Variants in RALGDS observed in about 807,000 individuals in gnomAD.
RALGDS encodes the protein ral guanine nucleotide exchange factor.
A neutral mutation model predicts 99.8 loss-of-function variants in RALGDS; 44 were observed. The observed-to-expected ratio is 0.44, with a 90% CI of 0.35 to 0.57. The LOEUF is 0.57. Among genes scored for constraint, RALGDS ranks in the 20% least tolerant of loss-of-function variants. The pLI is 0.01. For synonymous variants in RALGDS, 529 were observed against 505.0 expected, an observed-to-expected ratio of 1.05 and a Z score of -0.64; for missense variants, 1,022 against 1,203.1, an observed-to-expected ratio of 0.85 and a Z score of 2.23.
At chr9:133,106,594 C>G (rs770758627) in intron 8 of RALGDS, 51 bp downstream of exon 8, 18 of 1,399,286 alleles carry the variant, frequency 1.3e-5, no homozygotes, top group Non-Finnish European at 1.8e-5. Flanking sequence ...GTGATGCCAG[C>G]CCTGTGGGAG....
At chr9:133,102,931 C>T (rs1431751420) in intron 12 of RALGDS, 31 bp from the exon 13 acceptor site, 13 of 1,611,196 alleles carry the variant, frequency 8.1e-6, no homozygotes, top group Admixed American at 1.7e-5. Flanking sequence ...AGGGCGGTGA[C>T]AAGGCCCCCC....
intron 1 of RALGDS, among the ~76,000 whole-genome samples, chr9:133,145,579 G>T (rs1832610498): frequency 6.6e-6 from 1 of 152,228 alleles, no homozygotes; most frequent in African/African-American, 2.4e-5. Context: ...TGTGAGGGGA[G>T]ACAAGGGGCA....
At position 133,110,456 on chromosome 9, in the gene RALGDS, T is replaced by A. The variant is rs773723770; in HGVS notation, c.328A>T (p.Thr110Ser). The A allele has an allele frequency of 6.2e-7, 1 of 1,613,082 alleles. No individual in the cohort carries two copies. The highest frequency in any genetic ancestry group is 1.3e-5 in the African/African-American group (1 of 74,870). The change falls in exon 3 of 18, where the codon ACT becomes TCT. Residue 110 changes from threonine (T) to serine (S), a missense_variant. By Grantham distance (58) the Thr-to-Ser change is moderately conservative. Coordinates refer to ENST00000372050, the MANE Select transcript of RALGDS (RefSeq NM_006266.4). ...GCCTTCACGGTCCGCACCTTGCAAGTCTCATAAAGGTTCAGGGCCGACTCA... is the reference window on the plus strand; with the variant it reads ...GCCTTCACGGTCCGCACCTTGCAAGACTCATAAAGGTTCAGGGCCGACTCA... ...ENESALNLYE[T>S]CKVRTVKAGT... is the part of the protein sequence containing the mutation.
chr9:133,122,942 G>T (rs1831999597), upstream of RALGDS, among the ~76,000 whole-genome samples: 1 of 152,142 alleles, frequency 6.6e-6, no homozygotes. Context: ...GACCTCAAGT[G>T]AACCGCTCGC....
intron 1 of RALGDS, among the ~76,000 whole-genome samples, chr9:133,140,885 C>T (rs1453936932): frequency 1.3e-5 from 2 of 152,170 alleles, no homozygotes; most frequent in African/African-American, 2.4e-5. Flanking sequence ...GGCAGCTCCC[C>T]GCCACTGTCT....
chr9:133,100,262 A>T lies in RALGDS; in HGVS notation c.2569+6T>A. On this transcript the variant is annotated splice_donor_region_variant and intron_variant, in intron 17 of 17. Coordinates refer to ENST00000372050, the MANE Select transcript of RALGDS (RefSeq NM_006266.4). ...TCTGCCATCGCCCTCTGGTCTTCTG[A>T]CTTACTCCGGTCATCTGAGAGAATC... is the stretch of plus-strand genomic sequence containing the variant. 6.2e-7 allele frequency: 1 copy of T among 1,613,578 alleles called. No individual in the cohort carries two copies. The highest frequency in any genetic ancestry group is 8.5e-7 in the Non-Finnish European group (1 of 1,179,556).
At chr9:133,107,871 C>T in intron 6 of RALGDS, 117 bp downstream of exon 6, 1 of 1,329,840 alleles carries the variant, frequency 7.5e-7, no homozygotes, top group Non-Finnish European at 1.1e-6. Context: ...TGGTGTGTAG[C>T]AGCAGAGCTG....
At chr9:133,127,824 C>A (rs961557974) in intron 1 of RALGDS, among the ~76,000 whole-genome samples, 1 of 152,238 alleles carries the variant, frequency 6.6e-6, no homozygotes, top group African/African-American at 2.4e-5. Flanking sequence ...CTCCAGGAGA[C>A]CACACTGGGT....
intron 1 of RALGDS, chr9:133,129,195 C>A (rs762902288): frequency 6.3e-7 from 1 of 1,596,948 alleles, no homozygotes; most frequent in East Asian, 2.2e-5. Flanking sequence ...CTTTGGAGAG[C>A]GGCACGACGG....
chr9:133,126,680 G>A (rs778790657), intron 1 of RALGDS, among the ~76,000 whole-genome samples: 5 of 152,188 alleles, frequency 3.3e-5, no homozygotes, highest in African/African-American at 4.8e-5. Flanking sequence ...GTGACAACCC[G>A]AAGTGGAGGG....
chr9:133,110,675 C>T (rs1390151597), intron 2 of RALGDS, among the ~76,000 whole-genome samples, 186 bp from the exon 3 acceptor site: 3 of 151,936 alleles, frequency 2.0e-5, no homozygotes, highest in East Asian at 1.9e-4. Context: ...TCAGTCATCC[C>T]GGCACTTTGG....
chr9:133,104,861 C>T (rs573678418), intron 9 of RALGDS, among the ~76,000 whole-genome samples: 16 of 152,264 alleles, frequency 1.1e-4, no homozygotes, highest in African/African-American at 2.2e-4. Flanking sequence ...AGAGACTCTG[C>T]GCTACAGTCC....
chr9:133,141,625 G>A (rs1832524362), intron 1 of RALGDS, among the ~76,000 whole-genome samples: 1 of 152,242 alleles, frequency 6.6e-6, no homozygotes, highest in Non-Finnish European at 1.5e-5. Flanking sequence ...TGAGGACCAG[G>A]GGCCTGATGG....
Position 133,106,698 on chromosome 9 carries a change from G to T in RALGDS, c.1464C>A (p.Ala488=). Residue 488 remains alanine, a synonymous_variant, in exon 8 of 18, where the codon GCC becomes GCA. Transcript: ENST00000372050. ...GACGGTGGATGGAGTTGCTCTGCAG[G>T]GCAGAGAGGATGGCATACAGTGACG... ...NFSSLYAILS[A]LQSNSIHRLK... 6.2e-7 allele frequency: 1 copy of T among 1,612,986 alleles called. No individual in the cohort carries two copies. The highest frequency in any genetic ancestry group is 1.1e-5 in the South Asian group (1 of 90,926).
intron 1 of RALGDS, among the ~76,000 whole-genome samples, chr9:133,126,595 C>G (rs901227666): frequency 3.3e-5 from 5 of 152,174 alleles, no homozygotes; most frequent in African/African-American, 1.2e-4. Context: ...GACAACTGTC[C>G]CCCACTCCCG....
chr9:133,099,753 T>C (rs1022942012), intron 17 of RALGDS: 4 of 185,208 alleles, frequency 2.2e-5, no homozygotes, highest in African/African-American at 4.7e-5. Flanking sequence ...ACAGAGGGCT[T>C]AAGGAGCTTG....
intron 4 of RALGDS, 50 bp from the exon 5 acceptor site, chr9:133,108,916 C>G: frequency 6.5e-7 from 1 of 1,537,416 alleles, no homozygotes; most frequent in Non-Finnish European, 8.9e-7. Context: ...CTCCCCTGAG[C>G]CAGGCTGGGC....
chr9:133,112,259 T>TGGCGGCTGCACAGACC, intron 1 of RALGDS, 107 bp from the exon 2 acceptor site: 2 of 757,000 alleles, frequency 2.6e-6, no homozygotes, highest in African/African-American at 3.4e-5. Context: ...GGGCACAGAC[T>TGGCGGCTGCACAGACC]GGCGGCTGCA....
chr9:133,143,828 G>A (rs1464580970), intron 1 of RALGDS, among the ~76,000 whole-genome samples: 2 of 149,060 alleles, frequency 1.3e-5, no homozygotes, highest in Non-Finnish European at 3.0e-5. Flanking sequence ...ATAAAATAAA[G>A]GAATGGCTTC....
Sources: gnomAD v4.1 joint callset for allele counts (sites outside exome capture counted in the v4.1 genomes callset) on GRCh38, gnomAD v4.1.1 for gene constraint, MANE v1.5 for transcripts, NCBI Gene and HGNC (gene_info 2026-07-23, HGNC 2026-07-21) for gene names.